Variants in ATP7A observed in about 807,000 individuals in gnomAD.
ATP7A encodes ATPase copper transporting alpha.
ATP7A carries 7 observed loss-of-function variants against 83.5 expected under a neutral mutation model. That is an observed-to-expected ratio of 0.08 (90% CI 0.05 to 0.16). ATP7A has a LOEUF of 0.16. ATP7A is among the 10% of genes least tolerant of loss of function. The pLI, the probability that ATP7A is intolerant of heterozygous loss-of-function variation, is 1.00. For missense variants in ATP7A, 940 were observed against 1,120.8 expected (o/e 0.84, Z 2.30); for synonymous variants, 354 against 395.2 (o/e 0.90, Z 1.24).
chrX:77,989,925 A>G lies in ATP7A; in HGVS notation c.1303A>G (p.Ile435Val), dbSNP rs1557231929. Residue 435 changes from isoleucine (I) to valine (V), a missense_variant, in exon 4 of 23, where the codon ATA becomes GTA. By Grantham distance (29) the Ile-to-Val change is conservative. Transcript: ENST00000341514. ...CTCTCCAGAAACGTTGAGAGGAGCA[A>G]TAGAAGACATGGGATTTGATGCTAC... ...LTSPETLRGA[I>V]EDMGFDATLS... 15 of 1,211,451 alleles carry G rather than the reference A, an allele frequency of 1.2e-5. No individual in the cohort carries two copies. Among genetic ancestry groups the G allele is most frequent in the East Asian group, 3.0e-5 (1 of 33,858 alleles).
intron 1 of ATP7A, among the ~76,000 whole-genome samples, chrX:77,955,596 C>T (rs1480760478): frequency 1.8e-5 from 2 of 111,524 alleles, no homozygotes; most frequent in African/African-American, 6.5e-5. Context: ...ATGATCAAAT[C>T]AGGGTATTTA....
At position 78,014,708 on chromosome X, in the gene ATP7A, C is replaced by T. The variant is rs1557234937; in HGVS notation, c.2453C>T (p.Thr818Ile). Residue 818 changes from threonine (T) to isoleucine (I), a missense_variant, in exon 11 of 23, where the codon ACA becomes ATA. Thr to Ile is a moderately conservative substitution (Grantham distance 89). Around this residue, in one of 3 missense-constraint regions of ATP7A, gnomAD observed 204 missense variants for 185.8 expected, o/e 1.10. Coordinates refer to ENST00000341514, the MANE Select transcript of ATP7A (RefSeq NM_000052.7). ...ALAKLISLQA[T>I]EATIVTLDSD... ...GCAAAGTTAATTTCACTACAAGCTA[C>T]AGAAGCAACTATTGTAACTCTTGAT... 3 of 1,208,834 alleles carry T rather than the reference C, an allele frequency of 2.5e-6. No individual in the cohort carries two copies. The highest frequency in any genetic ancestry group is 3.4e-6 in the Non-Finnish European group (3 of 893,377).
chrX:77,985,056 G>C (rs2149080857), intron 2 of ATP7A, among the ~76,000 whole-genome samples: 1 of 110,820 alleles, frequency 9.0e-6, no homozygotes, highest in Non-Finnish European at 1.9e-5. Context: ...GTGTCACTCT[G>C]TCACCCAGGC....
intron 14 of ATP7A, among the ~76,000 whole-genome samples, chrX:78,025,483 A>T (rs897943248): frequency 4.5e-5 from 5 of 111,605 alleles, no homozygotes; most frequent in Non-Finnish European, 9.4e-5. Context: ...AAACCAGAAA[A>T]ACGATTCAGG....
chrX:77,981,821 G>A (rs1557230932), intron 2 of ATP7A, among the ~76,000 whole-genome samples: 1 of 111,650 alleles, frequency 9.0e-6, no homozygotes, highest in African/African-American at 3.2e-5. Flanking sequence ...TGAATTTTTA[G>A]ATTGATTTTG....
At chrX:77,943,792 A>G (rs146512183) in intron 1 of ATP7A, among the ~76,000 whole-genome samples, 139 of 111,778 alleles carry the variant, frequency 1.2e-3, no homozygotes, top group African/African-American at 4.3e-3. Flanking sequence ...TAACTGCTGT[A>G]TAGTATTCTA....
At chrX:78,007,523 T>C (rs1270794595) in intron 6 of ATP7A, among the ~76,000 whole-genome samples, 2 of 111,270 alleles carry the variant, frequency 1.8e-5, no homozygotes, top group African/African-American at 6.5e-5. Flanking sequence ...GATGGGGTTT[T>C]ACTGTGTTAG....
At chrX:78,033,166 G>T (rs782307180) in intron 16 of ATP7A, among the ~76,000 whole-genome samples, 1 of 111,798 alleles carries the variant, frequency 8.9e-6, no homozygotes, top group Non-Finnish European at 1.9e-5. Flanking sequence ...GTGCAATAGC[G>T]CAATCTCAAC....
At chrX:78,022,505 G>GTTTATTTA (rs34027769) in intron 14 of ATP7A, among the ~76,000 whole-genome samples, 2,770 of 95,783 alleles carry the variant, frequency 0.029, 31 homozygotes, top group Non-Finnish European at 0.036. Context: ...TTGTTTGTTT[G>GTTTATTTA]TTTATTTATT....
rs186877734 is a variant in ATP7A at position 77,933,534 on chromosome X, G to A, written c.-22+22699G>A. ...TAGGACCGGAAGTGTTTCGGATTTCGGAATTTTTGGATTTTGGAATATTAG... is the reference window on the plus strand; with the variant it reads ...TAGGACCGGAAGTGTTTCGGATTTCAGAATTTTTGGATTTTGGAATATTAG... On this transcript the variant is annotated intron_variant, in intron 1 of 22. Coordinates refer to ENST00000341514, the MANE Select transcript of ATP7A (RefSeq NM_000052.7). Among the ~76,000 whole-genome samples the A allele has an allele frequency of 5.4e-5, 6 of 111,980 alleles. No homozygotes were observed. The South Asian group carries it at 1.5e-3, about 28-fold the overall frequency.
rs782360257 is a variant in ATP7A at position 78,012,590 on chromosome X, TA to T, written c.2173-269del. Among the ~76,000 whole-genome samples, 19,432 of 81,278 alleles carry T rather than the reference TA, an allele frequency of 0.24. 2,203 individuals carry two copies. The highest frequency in any genetic ancestry group is 0.31 in the African/African-American group (6,842 of 21,755). The allele number at this position is 81,278 out of a possible 115,157, so 70.6% of individuals were successfully genotyped here. A position where few individuals can be genotyped will look rare whatever the true frequency, so the allele number is the denominator to read the frequency against. ...TGGGCAACATATCAAGACTGTCTCT[TA>T]AAAAAAAAAAAAAAAAAAAGGAAGA... On this transcript the variant is annotated intron_variant, in intron 9 of 22. Transcript: ENST00000341514.
At chrX:78,035,226 C>A (rs1268855148) in intron 17 of ATP7A, among the ~76,000 whole-genome samples, 1 of 111,531 alleles carries the variant, frequency 9.0e-6, no homozygotes, top group Non-Finnish European at 1.9e-5. Context: ...AAATCCATAT[C>A]TTTAGCTAAG....
intron 6 of ATP7A, among the ~76,000 whole-genome samples, chrX:78,007,872 A>G (rs1343010451): frequency 8.9e-6 from 1 of 112,058 alleles, no homozygotes; most frequent in Admixed American, 9.5e-5. Flanking sequence ...TGAGTAACAA[A>G]CACATCATAT....
chrX:77,927,071 T>C (rs2077245610), intron 1 of ATP7A, among the ~76,000 whole-genome samples: 2 of 111,833 alleles, frequency 1.8e-5, no homozygotes, highest in South Asian at 7.4e-4. Context: ...ATGAGCCCCA[T>C]GAAAGAAGAG....
chrX:78,027,976 G>T (rs1165135387), intron 14 of ATP7A, among the ~76,000 whole-genome samples: 1 of 109,294 alleles, frequency 9.1e-6, no homozygotes, highest in African/African-American at 3.3e-5. Context: ...CAAAAGGATT[G>T]TTGGGAAGTT....
chrX:77,992,802 CAG>C (rs1462906727), intron 4 of ATP7A, among the ~76,000 whole-genome samples: 3 of 111,276 alleles, frequency 2.7e-5, no homozygotes, highest in Non-Finnish European at 3.8e-5. Context: ...TTAGTAGAGA[CAG>C]GGTTTCACCA....
intron 4 of ATP7A, among the ~76,000 whole-genome samples, chrX:77,996,951 G>A (rs185690314): frequency 9.0e-6 from 1 of 110,836 alleles, no homozygotes; most frequent in East Asian, 2.8e-4. Flanking sequence ...AAGCATAACA[G>A]CAGTACTATT....
intron 2 of ATP7A, among the ~76,000 whole-genome samples, chrX:77,978,951 C>T (rs782738674): frequency 1.8e-5 from 2 of 110,853 alleles, no homozygotes; most frequent in Non-Finnish European, 3.8e-5. Context: ...CCTGTCTCAG[C>T]CTCCCGAGTA....
At chrX:78,027,045 G>A (rs782815308) in intron 14 of ATP7A, among the ~76,000 whole-genome samples, 41 of 109,110 alleles carry the variant, frequency 3.8e-4, no homozygotes, top group African/African-American at 1.1e-3. Context: ...AGCTACTTGC[G>A]AGACTGAGGG....
Sources: gnomAD v4.1 joint callset for allele counts (sites outside exome capture counted in the v4.1 genomes callset) on GRCh38, gnomAD v4.1.1 for gene constraint, gnomAD v4.1.1 regional missense constraint, MANE v1.5 for transcripts, NCBI Gene and HGNC (gene_info 2026-07-23, HGNC 2026-07-21) for gene names.